CADM2: variants seen among roughly 807,000 people sequenced by gnomAD.
The protein encoded by CADM2 is cell adhesion molecule 2.
CADM2 carries 12 observed loss-of-function variants against 49.8 expected under a neutral mutation model. That is an observed-to-expected ratio of 0.24 (90% CI 0.15 to 0.39). The LOEUF is 0.39. CADM2 is among the 10% of genes least tolerant of loss of function. CADM2 has a pLI of 1.00. For synonymous variants in CADM2, 214 were observed against 175.4 expected, an observed-to-expected ratio of 1.22 and a Z score of -1.74; for missense variants, 378 against 492.3, an observed-to-expected ratio of 0.77 and a Z score of 2.20.
chr3:85,918,163 T>A (rs753739078), intron 6 of CADM2, among the ~76,000 whole-genome samples: 1 of 152,182 alleles, frequency 6.6e-6, no homozygotes, highest in Non-Finnish European at 1.5e-5. Context: ...CCTTCCTGAT[T>A]GGCCTGGCCA....
chr3:85,020,351 C>T (rs765146067), intron 1 of CADM2, among the ~76,000 whole-genome samples: 1 of 152,134 alleles, frequency 6.6e-6, no homozygotes, highest in Non-Finnish European at 1.5e-5. Context: ...TTAGATTAAA[C>T]TTTTCCACAT....
chr3:85,855,816 C>T (rs529135772), intron 3 of CADM2, among the ~76,000 whole-genome samples: 10 of 151,468 alleles, frequency 6.6e-5, no homozygotes, highest in Non-Finnish European at 1.0e-4. Context: ...TTAGTAGAGA[C>T]GGGGTTTCAC....
intron 1 of CADM2, among the ~76,000 whole-genome samples, chr3:85,292,202 A>G (rs935877301): frequency 4.7e-5 from 7 of 149,650 alleles, no homozygotes; most frequent in Admixed American, 2.0e-4. Context: ...AGGCCATTAC[A>G]TAATGGTAAA....
At chr3:85,803,732 C>A (rs1371115107) in intron 3 of CADM2, among the ~76,000 whole-genome samples, 1 of 152,010 alleles carries the variant, frequency 6.6e-6, no homozygotes, top group African/African-American at 2.4e-5. Flanking sequence ...AGGCCTTCCA[C>A]TGATTGAGTG....
intron 6 of CADM2, among the ~76,000 whole-genome samples, chr3:85,923,537 C>CAAAAAA (rs57230094): frequency 1.5e-4 from 20 of 136,716 alleles, no homozygotes; most frequent in Admixed American, 8.7e-4. Flanking sequence ...ATCATGAAAG[C>CAAAAAA]AAAAAAAAAA....
chr3:85,240,467 A>C (rs1360109437), intron 1 of CADM2, among the ~76,000 whole-genome samples: 5 of 151,540 alleles, frequency 3.3e-5, no homozygotes, highest in African/African-American at 1.2e-4. Flanking sequence ...GACCAACATC[A>C]ACAACATATT....
intron 1 of CADM2, among the ~76,000 whole-genome samples, chr3:85,520,255 G>A (rs2106892463): frequency 6.6e-6 from 1 of 151,770 alleles, no homozygotes; most frequent in Admixed American, 6.6e-5. Context: ...TTTAAAAAAA[G>A]TAGCATACAG....
At position 86,070,630 on chromosome 3, in the gene CADM2, A is replaced by C. The variant is rs1739782367; in HGVS notation, c.*3847A>C. The C allele has an allele frequency of 1.4e-5, 1 of 72,794 alleles. No homozygotes were observed. The highest frequency in any genetic ancestry group is 2.2e-5 in the Non-Finnish European group (1 of 44,460). 4.5% of individuals were successfully genotyped at this position (72,794 alleles called of 1,614,324 possible). ...ATGGTAATTTCTGATAAAACAATAC[A>C]AAACAAAAAAAAAGCAGTAATCACA... On this transcript the variant is annotated 3_prime_UTR_variant, in exon 10 of 10. Transcript: ENST00000383699.
intron 5 of CADM2, among the ~76,000 whole-genome samples, chr3:85,890,851 G>T (rs1322987442): frequency 1.3e-5 from 2 of 152,104 alleles, no homozygotes; most frequent in Admixed American, 6.5e-5. Context: ...TTGAAGAAAT[G>T]AATTTCATAT....
chr3:85,731,723 A>G (rs2067938103), intron 2 of CADM2, among the ~76,000 whole-genome samples: 1 of 152,020 alleles, frequency 6.6e-6, no homozygotes, highest in African/African-American at 2.4e-5. Context: ...TTTTTCTTTC[A>G]TCACCTTTAA....
At chr3:85,798,981 C>T (rs1432594535) in intron 2 of CADM2, among the ~76,000 whole-genome samples, 4 of 151,994 alleles carry the variant, frequency 2.6e-5, no homozygotes, top group Non-Finnish European at 4.4e-5. Context: ...TGAAGAGGTC[C>T]TTCACATCCC....
chr3:85,347,618 T>C (rs1340663778), intron 1 of CADM2, among the ~76,000 whole-genome samples: 1 of 101,690 alleles, frequency 9.8e-6, no homozygotes, highest in Non-Finnish European at 2.2e-5. Context: ...AAAATATATA[T>C]ACATATATAT....
At chr3:85,317,634 A>C (rs1372838326) in intron 1 of CADM2, among the ~76,000 whole-genome samples, 1 of 152,198 alleles carries the variant, frequency 6.6e-6, no homozygotes, top group Non-Finnish European at 1.5e-5. Context: ...GGGCAGAAGA[A>C]GAAAAGAGAC....
chr3:85,959,330 T>C (rs1407823125), intron 7 of CADM2, among the ~76,000 whole-genome samples: 1 of 151,816 alleles, frequency 6.6e-6, no homozygotes, highest in African/African-American at 2.4e-5. Flanking sequence ...CCCTGCCCTT[T>C]TAGGTTTTAT....
intron 6 of CADM2, among the ~76,000 whole-genome samples, chr3:85,926,203 A>T (rs991991900): frequency 1.3e-5 from 2 of 151,720 alleles, no homozygotes; most frequent in African/African-American, 4.8e-5. Context: ...AAGTAAATGT[A>T]AATATTTTAA....
At chr3:85,299,299 T>G (rs1052360439) in intron 1 of CADM2, among the ~76,000 whole-genome samples, 1 of 152,062 alleles carries the variant, frequency 6.6e-6, no homozygotes, top group Non-Finnish European at 1.5e-5. Context: ...AAACTGGGGA[T>G]GCATATGGCC....
At chr3:85,717,243 TTC>T (rs145445868) in intron 1 of CADM2, among the ~76,000 whole-genome samples, 32,017 of 151,964 alleles carry the variant, frequency 0.21, 4,140 homozygotes, top group Middle Eastern at 0.29. Flanking sequence ...TAGGTATTTA[TTC>T]TCTTTGTGGC....
At chr3:85,199,871 T>G (rs2041448948) in intron 1 of CADM2, among the ~76,000 whole-genome samples, 1 of 152,044 alleles carries the variant, frequency 6.6e-6, no homozygotes, top group African/African-American at 2.4e-5. Context: ...AAAGAATCAA[T>G]GACATTGTAC....
intron 8 of CADM2, among the ~76,000 whole-genome samples, chr3:85,990,423 TAACTTAC>T (rs1414398048): frequency 2.6e-5 from 4 of 152,188 alleles, no homozygotes; most frequent in Non-Finnish European, 5.9e-5. Context: ...CTTATATTTT[TAACTTAC>T]AATGGGATTA....
Sources: gnomAD v4.1 joint callset for allele counts (sites outside exome capture counted in the v4.1 genomes callset) on GRCh38, gnomAD v4.1.1 for gene constraint, MANE v1.5 for transcripts, NCBI Gene and HGNC (gene_info 2026-07-23, HGNC 2026-07-21) for gene names.